SV2C: variants seen among roughly 807,000 people sequenced by gnomAD.
The protein encoded by SV2C is solute carrier family 22 member B3.
SV2C carries 49 observed loss-of-function variants against 79.7 expected under a neutral mutation model. That is an observed-to-expected ratio of 0.61 (90% confidence interval 0.49 to 0.78). The LOEUF (loss-of-function observed/expected upper bound fraction) is 0.78, where lower values mean the gene tolerates loss of function less well. Among genes scored for constraint, SV2C ranks in the 30% least tolerant of loss-of-function variants. The pLI is 0.00. For missense variants in SV2C, 833 were observed against 912.9 expected, an observed-to-expected ratio of 0.91 and a Z score of 1.13; for synonymous variants, 334 against 333.2, an observed-to-expected ratio of 1.00 and a Z score of -0.03.
At chr5:76,322,297 G>GAC (rs1266646370) in intron 12 of SV2C, among the ~76,000 whole-genome samples, 1 of 152,112 alleles carries the variant, frequency 6.6e-6, no homozygotes, top group Non-Finnish European at 1.5e-5. Context: ...TTGCTACAAA[G>GAC]ACAGTAAAAT....
At chr5:75,859,762 T>C in the SV2C span, among the ~76,000 whole-genome samples, 2 of 152,198 alleles carry the variant, frequency 1.3e-5, no homozygotes, top group Non-Finnish European at 2.9e-5. Context: ...CCCACTCATT[T>C]CAGTCCTGAA....
At chr5:75,950,262 A>G in the SV2C span, among the ~76,000 whole-genome samples, 1 of 152,048 alleles carries the variant, frequency 6.6e-6, no homozygotes, top group African/African-American at 2.4e-5. Context: ...ACATAATTGA[A>G]TGAAACGAAA....
intron 4 of SV2C, among the ~76,000 whole-genome samples, chr5:76,244,531 C>T (rs780847074): frequency 2.0e-5 from 3 of 152,212 alleles, no homozygotes; most frequent in Non-Finnish European, 4.4e-5. Context: ...TCCAAAATGT[C>T]ATTTCAACAT....
At chr5:76,079,539 T>C (rs1580248766), upstream of SV2C, 2 of 300,188 alleles carry the variant, frequency 6.7e-6, no homozygotes, top group East Asian at 9.8e-5. Context: ...CAAGATTCCA[T>C]GTGGGAGTTT....
At chr5:76,009,575 C>T in the SV2C span, among the ~76,000 whole-genome samples, 1 of 152,212 alleles carries the variant, frequency 6.6e-6, no homozygotes, top group Non-Finnish European at 1.5e-5. Context: ...GAAAACTACA[C>T]AGCCATGAGA....
the SV2C span, among the ~76,000 whole-genome samples, chr5:75,888,346 T>TAAA: frequency 2.7e-5 from 3 of 109,604 alleles, no homozygotes; most frequent in African/African-American, 1.7e-4. Flanking sequence ...AAAAAAAAAT[T>TAAA]TTTTTTTTGA....
At chr5:75,852,425 G>T in the SV2C span, among the ~76,000 whole-genome samples, 1 of 151,996 alleles carries the variant, frequency 6.6e-6, no homozygotes, top group Admixed American at 6.6e-5. Flanking sequence ...GGGGAAAAAA[G>T]GTGTAACACA....
In SV2C at chr5:76,131,963, T is replaced by G. The variant is rs559499864; in HGVS notation, c.213T>G (p.Asp71Glu). The G allele has an allele frequency of 4.0e-4, 647 of 1,613,948 alleles. 12 individuals are homozygous for G. In the South Asian group the frequency reaches 6.8e-3, roughly 17 times the overall value. ...AGETYNGEAN[D>E]DEGSSEATEG... is the part of the protein sequence containing the mutation. The stretch of plus-strand genomic sequence containing the variant: ...AAACCTATAATGGTGAGGCCAACGA[T>G]GACGAAGGCTCAAGTGAAGCCACTG... Residue 71 changes from aspartate (D) to glutamate (E), a missense_variant, in exon 2 of 13, where the codon GAT becomes GAG. Transcript: ENST00000502798.
chr5:75,881,946 G>A, the SV2C span, among the ~76,000 whole-genome samples: 1 of 147,928 alleles, frequency 6.8e-6, no homozygotes, highest in Non-Finnish European at 1.5e-5. Context: ...GTCATAGATA[G>A]CTCTTATTAT....
chr5:76,177,878 C>T (rs1276798841), intron 2 of SV2C, among the ~76,000 whole-genome samples: 1 of 151,946 alleles, frequency 6.6e-6, no homozygotes, highest in African/African-American at 2.4e-5. Context: ...TTGTTCTGTT[C>T]CTCTAAAATA....
At chr5:76,198,426 C>CTCTG (rs1744337409) in intron 3 of SV2C, among the ~76,000 whole-genome samples, 1 of 152,152 alleles carries the variant, frequency 6.6e-6, no homozygotes, top group African/African-American at 2.4e-5. Context: ...TCTGCACATG[C>CTCTG]CAGCTCCCCT....
intron 3 of SV2C, among the ~76,000 whole-genome samples, chr5:76,195,903 A>G (rs1338818451): frequency 6.6e-6 from 1 of 152,228 alleles, no homozygotes; most frequent in Non-Finnish European, 1.5e-5. Context: ...TGTTCCCCTG[A>G]ACTTAAAAGT....
the SV2C span, among the ~76,000 whole-genome samples, chr5:75,951,075 A>G: frequency 1.3e-5 from 2 of 152,134 alleles, no homozygotes; most frequent in South Asian, 4.1e-4. Context: ...GCCATAGAAT[A>G]TTAGAACTAT....
the SV2C span, among the ~76,000 whole-genome samples, chr5:76,027,482 C>T: frequency 0.81 from 123,824 of 152,018 alleles, 51,110 homozygotes; most frequent in African/African-American, 0.95. Flanking sequence ...AAAGGAATTT[C>T]TTGAAACATT....
the SV2C span, among the ~76,000 whole-genome samples, chr5:75,852,757 C>T: frequency 1.4e-5 from 2 of 144,838 alleles, no homozygotes; most frequent in East Asian, 2.1e-4. Flanking sequence ...ACCCAGGAGG[C>T]GGAGCTTGCA....
upstream of SV2C, among the ~76,000 whole-genome samples, chr5:76,080,584 T>C (rs549245525): frequency 2.0e-5 from 3 of 152,252 alleles, no homozygotes; most frequent in Admixed American, 1.3e-4. Flanking sequence ...ATAACCACTA[T>C]AGCATCTGTA....
the SV2C span, among the ~76,000 whole-genome samples, chr5:75,889,652 G>A: frequency 6.0e-3 from 910 of 152,130 alleles, 4 homozygotes; most frequent in African/African-American, 0.02. Context: ...CAATACAGTC[G>A]CATTCTGAGG....
intron 4 of SV2C, among the ~76,000 whole-genome samples, chr5:76,251,785 T>C (rs2112440173): frequency 6.6e-6 from 1 of 152,308 alleles, no homozygotes; most frequent in South Asian, 2.1e-4. Flanking sequence ...AGACCAGGGT[T>C]TTGAGCTTGC....
At chr5:76,020,481 C>T in the SV2C span, among the ~76,000 whole-genome samples, 9 of 152,118 alleles carry the variant, frequency 5.9e-5, no homozygotes, top group Non-Finnish European at 5.9e-5. Context: ...GTTCATAGGT[C>T]GCATGATCAT....
Sources: gnomAD v4.1 joint callset for allele counts (sites outside exome capture counted in the v4.1 genomes callset) on GRCh38, gnomAD v4.1.1 for gene constraint, MANE v1.5 for transcripts, NCBI Gene and HGNC (gene_info 2026-07-23, HGNC 2026-07-21) for gene names.